Variants in MAFG observed in about 807,000 individuals in gnomAD.
The protein encoded by MAFG is transcription factor MafG.
MAFG carries 3 observed loss-of-function variants against 12.2 expected under a neutral mutation model. The ratio of observed to expected loss-of-function variants is 0.25; its 90% CI spans 0.11 to 0.64. MAFG has a LOEUF of 0.64. MAFG is among the 30% of genes least tolerant of loss of function. The pLI, the probability that MAFG is intolerant of heterozygous loss-of-function variation, is 0.85. For missense variants in MAFG, 153 were observed against 235.5 expected (o/e 0.65, Z 2.29); for synonymous variants, 126 against 109.1 (o/e 1.15, Z -0.96).
chr17:81,930,012 C>G (rs570934294), upstream of MAFG: 2 of 152,916 alleles, frequency 1.3e-5, no homozygotes, highest in Admixed American at 1.3e-4. The surrounding 1 kb of genome is among the most constrained non-coding windows in gnomAD (Gnocchi z 4.1). Context: ...CCCGCAGGCA[C>G]TTCCCCGGCA....
At position 81,925,996 on chromosome 17, in the gene MAFG, C is replaced by CTGTGTGTGTGTGTGTGTG. The variant is rs532478689; in HGVS notation, c.-30+1514_-30+1531dup. 7.6e-4 allele frequency among the ~76,000 whole-genome samples: 68 copies of CTGTGTGTGTGTGTGTGTG among 89,028 alleles called. 2 individuals carry two copies. Among genetic ancestry groups the CTGTGTGTGTGTGTGTGTG allele is most frequent in the African/African-American group, 2.7e-3 (58 of 21,204 alleles). 58.4% of individuals were successfully genotyped at this position (89,028 alleles called of 152,430 possible). A position where few individuals can be genotyped will look rare whatever the true frequency, so the allele number is the denominator to read the frequency against. ...TGGGGGGTGCTCACTGAGAATGGACCTGTGTGTGTGTGTGTGTGTGTGTGT... is the reference window on the plus strand; with the variant it reads ...TGGGGGGTGCTCACTGAGAATGGACCTGTGTGTGTGTGTGTGTGTGTGTGTGTGTGTGTGTGTGTGTGT... On this transcript the variant is annotated intron_variant, in intron 1 of 2. Transcript: ENST00000357736.
At position 81,921,841 on chromosome 17, in the gene MAFG, A is replaced by G. The variant is rs1376784470; in HGVS notation, c.*764T>C. ...TCTTTTTTCTTTAACTTTTAAACAT[A>G]TAATTAATTTAATAACTTTGTAAAA... is the stretch of plus-strand genomic sequence containing the variant. On this transcript the variant is annotated 3_prime_UTR_variant, in exon 3 of 3. Transcript: ENST00000357736. 6.6e-6 allele frequency: 1 copy of G among 152,014 alleles called. No homozygotes were observed. Among genetic ancestry groups the G allele is most frequent in the Non-Finnish European group, 1.5e-5 (1 of 68,026 alleles). 9.4% of individuals were successfully genotyped at this position (152,014 alleles called of 1,614,324 possible). A position where few individuals can be genotyped will look rare whatever the true frequency, so the allele number is the denominator to read the frequency against.
In MAFG at chr17:81,920,233, C is replaced by A. The variant is rs1381844302; in HGVS notation, c.*2372G>T. 6.6e-6 allele frequency: 1 copy of A among 152,220 alleles called. No individual in the cohort carries two copies. Among genetic ancestry groups the A allele is most frequent in the Non-Finnish European group, 1.5e-5 (1 of 68,042 alleles). The allele number at this position is 152,220 out of a possible 1,614,324, so 9.4% of individuals were successfully genotyped here. A position where few individuals can be genotyped will look rare whatever the true frequency, so the allele number is the denominator to read the frequency against. On this transcript the variant is annotated 3_prime_UTR_variant, in exon 3 of 3. Coordinates refer to ENST00000357736, the MANE Select transcript of MAFG (RefSeq NM_002359.4). Reference sequence around the variant, plus strand: ...GACAAGAGTCAACAGCCAATATTTCCATTTTCAGGCTGACGCAGGTAGACA... The same window carrying A: ...GACAAGAGTCAACAGCCAATATTTCAATTTTCAGGCTGACGCAGGTAGACA...
At position 81,924,189 on chromosome 17, in the gene MAFG, A is replaced by C. The variant is rs528025916; in HGVS notation, c.-29-975T>G. On this transcript the variant is annotated intron_variant, in intron 1 of 2. Coordinates refer to ENST00000357736, the MANE Select transcript of MAFG (RefSeq NM_002359.4). The surrounding 1 kb of genome is among the most constrained non-coding windows in gnomAD (Gnocchi z 4.7). Reference sequence around the variant, plus strand: ...GGCGGAGTCAGCCCCTCCGAGCTGCAGCCTGCTCTCTGGTCCCTGCCCCGG... The same window carrying C: ...GGCGGAGTCAGCCCCTCCGAGCTGCCGCCTGCTCTCTGGTCCCTGCCCCGG... The C allele has an allele frequency of 1.3e-5, 2 of 152,418 alleles. No individual in the cohort carries two copies. The highest frequency in any genetic ancestry group is 2.9e-5 in the Non-Finnish European group (2 of 68,086). 9.4% of individuals were successfully genotyped at this position (152,418 alleles called of 1,614,324 possible).
At chr17:81,929,852 C>A, upstream of MAFG, 1 of 151,028 alleles carries the variant, frequency 6.6e-6, no homozygotes, top group Non-Finnish European at 1.5e-5. This position sits in a 1 kb window ranked among gnomAD's most constrained non-coding sequence, Gnocchi z 5.7. Context: ...GGCATCCTCC[C>A]GCCCCAGGCT....
At chr17:81,923,913 G>A (rs1167278126) in intron 1 of MAFG, among the ~76,000 whole-genome samples, 1 of 152,232 alleles carries the variant, frequency 6.6e-6, no homozygotes, top group Non-Finnish European at 1.5e-5. Flanking sequence ...AGCTGGGGGT[G>A]GGCCGTCCAT....
In MAFG at chr17:81,922,374, C is replaced by T. The variant is rs1330442144; in HGVS notation, c.*231G>A. 2.7e-6 allele frequency: 1 copy of T among 374,166 alleles called. No individual in the cohort carries two copies. The highest frequency in any genetic ancestry group is 4.7e-6 in the Non-Finnish European group (1 of 210,872). 23.2% of individuals were successfully genotyped at this position (374,166 alleles called of 1,614,324 possible). ...GGTACAAAAGGGGTTGGGGCGACCC[C>T]ACGTCACCGCCGAACTGACCAATCC... On this transcript the variant is annotated 3_prime_UTR_variant, in exon 3 of 3. Transcript: ENST00000357736.
upstream of MAFG, among the ~76,000 whole-genome samples, chr17:81,928,808 C>T (rs1300521394): frequency 6.6e-6 from 1 of 152,226 alleles, no homozygotes; most frequent in Non-Finnish European, 1.5e-5. This position sits in a 1 kb window ranked among gnomAD's most constrained non-coding sequence, Gnocchi z 8.1. Flanking sequence ...AGTGCAGCTC[C>T]GTCTCCTGCC....
chr17:81,930,807 C>CA (rs2040979238), upstream of MAFG: 1 of 152,330 alleles, frequency 6.6e-6, no homozygotes, highest in African/African-American at 2.4e-5. This position sits in a 1 kb window ranked among gnomAD's most constrained non-coding sequence, Gnocchi z 4.1. Context: ...TGAGAGGTGT[C>CA]AGAGCTGCTG....
intron 1 of MAFG, among the ~76,000 whole-genome samples, chr17:81,927,318 G>A (rs1354044782): frequency 1.3e-5 from 2 of 151,492 alleles, no homozygotes; most frequent in Middle Eastern, 3.5e-3. Flanking sequence ...GGCGCCAGGG[G>A]CAGGAGGAGC....
upstream of MAFG, chr17:81,927,738 T>G (rs1391172985): frequency 6.6e-6 from 1 of 152,372 alleles, no homozygotes; most frequent in Non-Finnish European, 1.5e-5. Context: ...CGTCACATGA[T>G]GTTTGGTCAC....
intron 1 of MAFG, 127 bp from the exon 2 acceptor site, chr17:81,923,341 A>T (rs937575059): frequency 1.7e-6 from 1 of 589,894 alleles, no homozygotes; most frequent in Non-Finnish European, 2.8e-6. Context: ...CCAGGTGCCC[A>T]GCCCCCAATA....
chr17:81,931,178 C>A (rs1299446293), upstream of MAFG, among the ~76,000 whole-genome samples: 1 of 152,208 alleles, frequency 6.6e-6, no homozygotes, highest in African/African-American at 2.4e-5. Context: ...GAAGCAAACG[C>A]CTCCTTGCAA....
upstream of MAFG, among the ~76,000 whole-genome samples, chr17:81,931,231 C>T (rs2040984437): frequency 6.6e-6 from 1 of 152,236 alleles, no homozygotes; most frequent in Non-Finnish European, 1.5e-5. Flanking sequence ...CCTCCCTGTG[C>T]TTCCTCTGGA....
chr17:81,923,276 G>GC (rs2040912750), intron 1 of MAFG, 62 bp from the exon 2 acceptor site: 2 of 750,426 alleles, frequency 2.7e-6, no homozygotes, highest in African/African-American at 3.8e-5. Flanking sequence ...CCCCCCCCCC[G>GC]CCCCCGGCCC....
rs779332457 is a variant in MAFG, at chr17:81,922,301, A to G, written c.*304T>C. 1.8e-5 allele frequency: 4 copies of G among 225,282 alleles called. No individual in the cohort carries two copies. The highest frequency in any genetic ancestry group is 3.5e-5 in the Non-Finnish European group (4 of 115,882). The allele number at this position is 225,282 out of a possible 1,614,324, so 14.0% of individuals were successfully genotyped here. On this transcript the variant is annotated 3_prime_UTR_variant, in exon 3 of 3. Transcript: ENST00000357736. ...CCTTCTCTCTCCCGCAACTCTCTCT[A>G]GTCCGTTCCCACAGCACCAACTCTG...
chr17:81,926,254 C>G lies in MAFG; in HGVS notation c.-30+1274G>C, dbSNP rs1259181746. On this transcript the variant is annotated intron_variant, in intron 1 of 2. Coordinates refer to ENST00000357736, the MANE Select transcript of MAFG (RefSeq NM_002359.4). The surrounding 1 kb of genome is among the most constrained non-coding windows in gnomAD (Gnocchi z 4.6). ...TTGCTAACTTCACACAACGCTGAGA[C>G]CCCACTTCAGGTAGCGACAACTTTA... 6.6e-6 allele frequency among the ~76,000 whole-genome samples: 1 copy of G among 152,168 alleles called. No individual in the cohort carries two copies. Among genetic ancestry groups the G allele is most frequent in the African/African-American group, 2.4e-5 (1 of 41,430 alleles).
upstream of MAFG, chr17:81,929,904 A>AT (rs2040971694): frequency 7.2e-6 from 1 of 138,104 alleles, no homozygotes; most frequent in African/African-American, 3.1e-5. This position sits in a 1 kb window ranked among gnomAD's most constrained non-coding sequence, Gnocchi z 5.7. Flanking sequence ...CCTCCCGGGC[A>AT]CCCTCCCGCC....
At position 81,921,814 on chromosome 17, in the gene MAFG, GCT is replaced by G. The variant is rs1364504971; in HGVS notation, c.*789_*790del. 1 of 151,012 alleles carries G rather than the reference GCT, an allele frequency of 6.6e-6. No individual in the cohort carries two copies. Among genetic ancestry groups the G allele is most frequent in the Non-Finnish European group, 1.5e-5 (1 of 67,882 alleles). 9.4% of individuals were successfully genotyped at this position (151,012 alleles called of 1,614,324 possible). A position where few individuals can be genotyped will look rare whatever the true frequency, so the allele number is the denominator to read the frequency against. ...AAGACAGTTTTATAAATACTCTGCA[GCT>G]CTTTTTTCTTTAACTTTTAAACATA... On this transcript the variant is annotated 3_prime_UTR_variant, in exon 3 of 3. Coordinates refer to ENST00000357736, the MANE Select transcript of MAFG (RefSeq NM_002359.4).
Sources: gnomAD v4.1 joint callset for allele counts (sites outside exome capture counted in the v4.1 genomes callset) on GRCh38, gnomAD v4.1.1 for gene constraint, Gnocchi (gnomAD v3.1) non-coding constraint, MANE v1.5 for transcripts, NCBI Gene and HGNC (gene_info 2026-07-23, HGNC 2026-07-21) for gene names.